Variants in MGAT3 observed in about 807,000 individuals in gnomAD.
MGAT3 encodes the protein beta-1,4-mannosyl-glycoprotein 4-beta-N-acetylglucosaminyltransferase.
MGAT3 carries 9 observed loss-of-function variants against 29.8 expected under a neutral mutation model. That is an observed-to-expected ratio of 0.30 (90% CI 0.18 to 0.53). MGAT3 has a LOEUF of 0.53. Ranked by LOEUF, MGAT3 falls within the 20% of genes least tolerant of loss-of-function variation. The pLI is 0.96. For synonymous variants in MGAT3, 397 were observed against 348.9 expected, an observed-to-expected ratio of 1.14 and a Z score of -1.54; for missense variants, 557 against 769.5, an observed-to-expected ratio of 0.72 and a Z score of 3.27.
At chr22:39,469,724 G>A (rs966238317) in intron 1 of MGAT3, among the ~76,000 whole-genome samples, 3 of 152,194 alleles carry the variant, frequency 2.0e-5, no homozygotes, top group Non-Finnish European at 4.4e-5. Context: ...CCATTTCCCC[G>A]TACCCCCGCT....
Position 39,488,503 on chromosome 22 carries a change from T to C in MGAT3, c.1156T>C (p.Tyr386His), listed in dbSNP as rs1357286150. Residue 386 changes from tyrosine to histidine, a missense_variant, in exon 2 of 2, where the codon TAC becomes CAC. Physicochemically the swap from Tyr to His is moderately conservative, Grantham distance 83. Transcript: ENST00000341184. ...CGGCATCCGCCTGCGCCGCCGCCAG[T>C]ACTACACCATGCCCAACTTCAGACA... is the stretch of plus-strand genomic sequence containing the variant. Reference protein sequence around the residue: ...LDGIRLRRRQYYTMPNFRQYE... With the variant: ...LDGIRLRRRQHYTMPNFRQYE... The C allele has an allele frequency of 1.2e-6, 2 of 1,613,124 alleles. No individual in the cohort carries two copies. The highest frequency in any genetic ancestry group is 1.3e-5 in the African/African-American group (1 of 75,038).
chr22:39,475,185 G>A (rs191711738), intron 1 of MGAT3, among the ~76,000 whole-genome samples: 45 of 147,470 alleles, frequency 3.1e-4, no homozygotes, highest in Admixed American at 2.4e-3. Context: ...AAAATCTTGC[G>A]AGGAGCTCAG....
At chr22:39,473,513 A>C (rs1928868952) in intron 1 of MGAT3, among the ~76,000 whole-genome samples, 1 of 152,198 alleles carries the variant, frequency 6.6e-6, no homozygotes, top group Non-Finnish European at 1.5e-5. Flanking sequence ...CACCTCTTAA[A>C]GTCCACACCT....
chr22:39,464,586 G>A (rs539054492), intron 1 of MGAT3, among the ~76,000 whole-genome samples: 22 of 151,158 alleles, frequency 1.5e-4, no homozygotes, highest in South Asian at 8.4e-4. Flanking sequence ...GATTATAGAC[G>A]CCCACCACCA....
At position 39,487,106 on chromosome 22, in the gene MGAT3, G is replaced by A. The variant is rs1929295781; in HGVS notation, c.-1-241G>A. 6.6e-6 allele frequency among the ~76,000 whole-genome samples: 1 copy of A among 152,174 alleles called. No homozygotes were observed. The highest frequency in any genetic ancestry group is 6.5e-5 in the Admixed American group (1 of 15,280). Reference sequence around the variant, plus strand: ...AAGCAGGCTGCAGAGGGGGCAGGGTGGTGGCCTGGGGATCTCAGGGAAGGG... The same window carrying A: ...AAGCAGGCTGCAGAGGGGGCAGGGTAGTGGCCTGGGGATCTCAGGGAAGGG... On this transcript the variant is annotated intron_variant, in intron 1 of 1. Transcript: ENST00000341184. The surrounding 1 kb of genome is among the most constrained non-coding windows in gnomAD (Gnocchi z 5.7).
In MGAT3 at chr22:39,489,072, T is replaced by TGGGGTGGGGGGGG; in HGVS notation, c.*127_*128insTGGGGGGGGGGGG. 8.2e-6 allele frequency: 3 copies of TGGGGTGGGGGGGG among 364,996 alleles called. No homozygotes were observed. Among genetic ancestry groups the TGGGGTGGGGGGGG allele is most frequent in the Non-Finnish European group, 1.5e-5 (3 of 200,930 alleles). The allele number at this position is 364,996 out of a possible 1,614,324, so 22.6% of individuals were successfully genotyped here. On this transcript the variant is annotated 3_prime_UTR_variant, in exon 2 of 2. Coordinates refer to ENST00000341184, the MANE Select transcript of MGAT3 (RefSeq NM_002409.5). ...ACCAGGAGTGGGTGGGGAGTGGGGGTGGGGGTAGGGTTTCCCTACTGAAGC... is the reference window on the plus strand; with the variant it reads ...ACCAGGAGTGGGTGGGGAGTGGGGGTGGGGTGGGGGGGGGGGGGTAGGGTTTCCCTACTGAAGC...
At chr22:39,473,374 G>A (rs531734660) in intron 1 of MGAT3, among the ~76,000 whole-genome samples, 135 of 152,304 alleles carry the variant, frequency 8.9e-4, no homozygotes, top group Non-Finnish European at 1.4e-3. Context: ...AGGGCTGACC[G>A]CATGCAGTTA....
intron 1 of MGAT3, among the ~76,000 whole-genome samples, chr22:39,462,322 C>T (rs3788553): frequency 0.022 from 3,298 of 152,310 alleles, 104 homozygotes; most frequent in African/African-American, 0.069. Flanking sequence ...GTGTTTGTTA[C>T]GTGTTCCTGA....
Position 39,491,000 on chromosome 22 carries a change from G to A in MGAT3, c.*2051G>A, listed in dbSNP as rs1306512147. 6.0e-6 allele frequency: 1 copy of A among 167,126 alleles called. No individual in the cohort carries two copies. The highest frequency in any genetic ancestry group is 1.5e-5 in the Non-Finnish European group (1 of 68,162). The allele number at this position is 167,126 out of a possible 1,614,324, so 10.4% of individuals were successfully genotyped here. On this transcript the variant is annotated 3_prime_UTR_variant, in exon 2 of 2. Coordinates refer to ENST00000341184, the MANE Select transcript of MGAT3 (RefSeq NM_002409.5). ...CCTGACCTGAGGGCTGTGCAGCTGA[G>A]AGCCCACTACCTCCCCAGCCCCTCT...
chr22:39,477,625 G>A (rs1348865364), intron 1 of MGAT3: 1 of 151,872 alleles, frequency 6.6e-6, no homozygotes, highest in Non-Finnish European at 1.5e-5. Context: ...CTTTGACACC[G>A]TGGCTCAGCC....
chr22:39,474,032 A>C (rs774647720), intron 1 of MGAT3, among the ~76,000 whole-genome samples: 2 of 152,196 alleles, frequency 1.3e-5, no homozygotes, highest in African/African-American at 4.8e-5. Flanking sequence ...TTTAAGCTGC[A>C]GGAGACCCAG....
At chr22:39,470,075 T>C (rs2267412) in intron 1 of MGAT3, among the ~76,000 whole-genome samples, 58,134 of 152,218 alleles carry the variant, frequency 0.38, 12,943 homozygotes, top group East Asian at 0.81. Context: ...GCTCCAGGGC[T>C]GACTTTGTCC....
intron 1 of MGAT3, among the ~76,000 whole-genome samples, chr22:39,464,123 A>T (rs1036400572): frequency 6.6e-6 from 1 of 151,424 alleles, no homozygotes; most frequent in Non-Finnish European, 1.5e-5. Context: ...CCCCTGCCCC[A>T]CCGCCCCCGC....
intron 1 of MGAT3, among the ~76,000 whole-genome samples, chr22:39,461,385 G>A (rs1250518428): frequency 1.3e-5 from 2 of 152,104 alleles, no homozygotes; most frequent in African/African-American, 4.8e-5. Context: ...GAGGCTTGAG[G>A]GAACGGAGAG....
intron 1 of MGAT3, among the ~76,000 whole-genome samples, chr22:39,463,295 A>G (rs924342998): frequency 8.5e-5 from 13 of 152,224 alleles, no homozygotes; most frequent in Admixed American, 7.9e-4. Flanking sequence ...TTGGGGGTCC[A>G]CAGCTGGGAA....
chr22:39,465,789 G>A lies in MGAT3; in HGVS notation c.-2+8232G>A, dbSNP rs569378523. Among the ~76,000 whole-genome samples the A allele has an allele frequency of 6.0e-4, 92 of 152,076 alleles. 1 individual carries two copies. The South Asian group carries it at 8.1e-3, about 13-fold the overall frequency. On this transcript the variant is annotated intron_variant, in intron 1 of 1. Coordinates refer to ENST00000341184, the MANE Select transcript of MGAT3 (RefSeq NM_002409.5). ...TCTACTAAAAATACAAAAATTAGCC[G>A]GGCATGGTGGCGGGTGCCTGTAATC...
chr22:39,458,580 A>AG (rs1333131304), intron 1 of MGAT3, among the ~76,000 whole-genome samples: 1 of 152,062 alleles, frequency 6.6e-6, no homozygotes, highest in East Asian at 1.9e-4. Context: ...TGCAGCTCTG[A>AG]GGGGGTTTTC....
At position 39,489,201 on chromosome 22, in the gene MGAT3, G is replaced by A. The variant is rs535958359; in HGVS notation, c.*252G>A. On this transcript the variant is annotated 3_prime_UTR_variant, in exon 2 of 2. Coordinates refer to ENST00000341184, the MANE Select transcript of MGAT3 (RefSeq NM_002409.5). ...GGTGGCCCTTATGACTGCCAAGACT[G>A]CTGTGGCCAGGAGGTGCCACTGGAG... 3.8e-5 allele frequency: 23 copies of A among 600,464 alleles called. No homozygotes were observed. The highest frequency in any genetic ancestry group is 6.9e-5 in the Non-Finnish European group (23 of 335,086). 37.2% of individuals were successfully genotyped at this position (600,464 alleles called of 1,614,324 possible). A position where few individuals can be genotyped will look rare whatever the true frequency, so the allele number is the denominator to read the frequency against.
intron 1 of MGAT3, among the ~76,000 whole-genome samples, chr22:39,466,281 G>A (rs752632427): frequency 1.3e-5 from 2 of 152,224 alleles, no homozygotes; most frequent in Non-Finnish European, 2.9e-5. Context: ...GTGACCGGCT[G>A]TGGGGTCTCA....
Sources: allele counts gnomAD v4.1 joint callset (sites outside exome capture counted in the v4.1 genomes callset), GRCh38; gene constraint gnomAD v4.1.1; non-coding constraint Gnocchi (gnomAD v3.1); transcripts MANE v1.5; gene names NCBI Gene and HGNC (gene_info 2026-07-23, HGNC 2026-07-21).